PLCG2: variants seen among roughly 807,000 people sequenced by gnomAD.
The protein encoded by PLCG2 is phospholipase C gamma 2.
In PLCG2, 69 loss-of-function variants were observed where a neutral mutation model predicts 175.6. The ratio of observed to expected loss-of-function variants is 0.39; its 90% CI spans 0.32 to 0.48. PLCG2 has a LOEUF of 0.48. PLCG2 is among the 20% of genes least tolerant of loss of function. PLCG2 has a pLI of 0.91. For synonymous variants in PLCG2, 827 were observed against 624.0 expected, an observed-to-expected ratio of 1.33 and a Z score of -4.85; for missense variants, 1,798 against 1,650.9, an observed-to-expected ratio of 1.09 and a Z score of -1.54.
At chr16:81,744,241 C>T (rs1026640693) in intron 1 of PLCG2, among the ~76,000 whole-genome samples, 4 of 149,452 alleles carry the variant, frequency 2.7e-5, no homozygotes, top group African/African-American at 4.9e-5. Flanking sequence ...GATTTTGGCT[C>T]ACTGTCAGCT....
At chr16:81,775,484 G>A (rs112344604), upstream of PLCG2, among the ~76,000 whole-genome samples, 2,377 of 152,188 alleles carry the variant, frequency 0.016, 50 homozygotes, top group African/African-American at 0.054. Flanking sequence ...TCCTAAAATA[G>A]TCAGCCTTGG....
chr16:81,746,146 G>A (rs1376373317), intron 1 of PLCG2, among the ~76,000 whole-genome samples: 1 of 152,318 alleles, frequency 6.6e-6, no homozygotes, highest in South Asian at 2.1e-4. Flanking sequence ...GACAGGACCA[G>A]CCCATGGGTG....
At chr16:81,869,518 G>A (rs974705417) in intron 6 of PLCG2, among the ~76,000 whole-genome samples, 1 of 152,184 alleles carries the variant, frequency 6.6e-6, no homozygotes, top group Admixed American at 6.5e-5. Context: ...TGTTTACTGA[G>A]CTCTTGGACT....
At chr16:81,860,898 A>C (rs928945078) in intron 5 of PLCG2, among the ~76,000 whole-genome samples, 7 of 151,710 alleles carry the variant, frequency 4.6e-5, no homozygotes, top group Non-Finnish European at 1.0e-4. Context: ...AATTGCTTGA[A>C]CCCGGGAGGT....
chr16:81,746,290 G>A (rs970388226), intron 1 of PLCG2, among the ~76,000 whole-genome samples: 3 of 152,198 alleles, frequency 2.0e-5, no homozygotes, highest in Non-Finnish European at 2.9e-5. Context: ...GCCGCCACTG[G>A]CAGGGTGCCT....
chr16:81,778,064 C>CAAAA (rs1567457925), upstream of PLCG2, among the ~76,000 whole-genome samples: 12 of 50,280 alleles, frequency 2.4e-4, 1 homozygote, highest in Admixed American at 3.5e-4. Context: ...ACAAAAAAAA[C>CAAAA]CAAAAACACA....
intron 9 of PLCG2, among the ~76,000 whole-genome samples, chr16:81,885,818 G>C (rs1908332225): frequency 6.6e-6 from 1 of 152,184 alleles, no homozygotes; most frequent in Non-Finnish European, 1.5e-5. Context: ...TACCCTAGTA[G>C]GCTGATAAAT....
At chr16:81,826,625 G>A (rs1567484585) in intron 2 of PLCG2, among the ~76,000 whole-genome samples, 1 of 152,188 alleles carries the variant, frequency 6.6e-6, no homozygotes, top group Non-Finnish European at 1.5e-5. Flanking sequence ...GCTTCAAATG[G>A]TGATAGCAGC....
At chr16:81,756,359 C>T (rs920068767) in intron 2 of PLCG2, among the ~76,000 whole-genome samples, 1 of 152,204 alleles carries the variant, frequency 6.6e-6, no homozygotes, top group African/African-American at 2.4e-5. Context: ...CTGACCTCAG[C>T]GATCTGTAAG....
intron 3 of PLCG2, chr16:81,858,049 T>C (rs758875296): frequency 6.4e-5 from 35 of 543,786 alleles, no homozygotes; most frequent in Non-Finnish European, 8.6e-5. Context: ...ATCCCTGTGG[T>C]ACAAAGCTCA....
intron 2 of PLCG2, among the ~76,000 whole-genome samples, chr16:81,802,345 C>G (rs12445314): frequency 0.22 from 32,789 of 151,340 alleles, 4,632 homozygotes; most frequent in East Asian, 0.68. Flanking sequence ...ATCTCCTGAC[C>G]TCGTGATCCA....
chr16:81,899,289 T>TATATAC (rs908648451), intron 13 of PLCG2, among the ~76,000 whole-genome samples: 173 of 92,462 alleles, frequency 1.9e-3, no homozygotes, highest in African/African-American at 6.2e-3. Context: ...TATATATATA[T>TATATAC]ACACACACAC....
At chr16:81,783,232 C>T (rs913169111) in intron 1 of PLCG2, 2 of 448,184 alleles carry the variant, frequency 4.5e-6, no homozygotes, top group Admixed American at 2.4e-5. Flanking sequence ...TGGCTGGGAA[C>T]AGTCAACATA....
At chr16:81,941,764 T>G (rs1292636304) in intron 30 of PLCG2, among the ~76,000 whole-genome samples, 1 of 151,464 alleles carries the variant, frequency 6.6e-6, no homozygotes, top group Non-Finnish European at 1.5e-5. Flanking sequence ...GTGGGTGATC[T>G]CGGCTCACTG....
intron 2 of PLCG2, among the ~76,000 whole-genome samples, chr16:81,846,954 A>G (rs918968128): frequency 6.6e-6 from 1 of 152,092 alleles, no homozygotes; most frequent in African/African-American, 2.4e-5. Context: ...GGTGTCCTCT[A>G]GTTCAGTTCA....
chr16:81,909,705 C>T (rs893559918), intron 17 of PLCG2, among the ~76,000 whole-genome samples: 9 of 152,294 alleles, frequency 5.9e-5, no homozygotes, highest in African/African-American at 1.9e-4. Context: ...TAAGCCATTG[C>T]ACCTGGCTGA....
chr16:81,835,644 T>A (rs1408129906), intron 2 of PLCG2, among the ~76,000 whole-genome samples: 10 of 152,108 alleles, frequency 6.6e-5, no homozygotes, highest in Admixed American at 6.5e-4. Context: ...AAAACCATGT[T>A]ATTACCTATA....
At chr16:81,784,856 C>T (rs1910899723) in intron 1 of PLCG2, among the ~76,000 whole-genome samples, 1 of 152,096 alleles carries the variant, frequency 6.6e-6, no homozygotes, top group African/African-American at 2.4e-5. Context: ...TGGGGAGCGC[C>T]TTCACTCTAA....
At chr16:81,909,484 C>T (rs1219510630) in intron 17 of PLCG2, among the ~76,000 whole-genome samples, 1 of 152,186 alleles carries the variant, frequency 6.6e-6, no homozygotes, top group East Asian at 1.9e-4. Context: ...ATGGAGCAGT[C>T]TCAGTCACTG....
Sources: allele counts gnomAD v4.1 joint callset (sites outside exome capture counted in the v4.1 genomes callset), GRCh38; gene constraint gnomAD v4.1.1; transcripts MANE v1.5; gene names NCBI Gene and HGNC (gene_info 2026-07-23, HGNC 2026-07-21).